Variants in NOL10 observed in about 807,000 individuals in gnomAD.
The protein encoded by NOL10 is H_NH0074G24.1.
In NOL10, 58 loss-of-function variants were observed where a neutral mutation model predicts 103.5. The ratio of observed to expected loss-of-function variants is 0.56; its 90% CI spans 0.45 to 0.70. The LOEUF (loss-of-function observed/expected upper bound fraction) is 0.70, where lower values mean the gene tolerates loss of function less well. NOL10 is among the 30% of genes least tolerant of loss of function. The pLI is 0.00. For synonymous variants in NOL10, 287 were observed against 282.5 expected (o/e 1.02, Z -0.16); for missense variants, 763 against 807.3 (o/e 0.95, Z 0.67).
intron 11 of NOL10, among the ~76,000 whole-genome samples, chr2:10,655,875 C>A (rs906692677): frequency 6.6e-6 from 1 of 152,154 alleles, no homozygotes; most frequent in South Asian, 2.1e-4. Flanking sequence ...ATGAAGAACA[C>A]GGCCAAGTCC....
rs369380523 is a variant in NOL10, at chr2:10,603,081, G to T, written c.1230C>A (p.His410Gln). Residue 410 changes from histidine (H) to glutamine (Q), a missense_variant, in exon 15 of 21, where the codon CAC becomes CAA. Physicochemically the swap from His to Gln is conservative, Grantham distance 24 (BLOSUM62 0). Transcript: ENST00000381685. ...HGFFMDIRLY[H>Q]KVKLMVNPFA... is the part of the protein sequence containing the mutation. ...ATAACTGTAGTTTTCTGTTTACCTTGTGATAGAGTCTTATATCCATGAAAA... is the reference window on the plus strand; with the variant it reads ...ATAACTGTAGTTTTCTGTTTACCTTTTGATAGAGTCTTATATCCATGAAAA... The T allele has an allele frequency of 1.2e-5, 20 of 1,604,760 alleles. No individual in the cohort carries two copies. The highest frequency in any genetic ancestry group is 3.4e-5 in the Admixed American group (2 of 59,032).
chr2:10,634,781 A>G (rs1678089715), intron 13 of NOL10, among the ~76,000 whole-genome samples: 1 of 152,202 alleles, frequency 6.6e-6, no homozygotes, highest in Non-Finnish European at 1.5e-5. Context: ...CTGAAAAGAG[A>G]TAACTAGATG....
intron 19 of NOL10, among the ~76,000 whole-genome samples, chr2:10,587,949 T>C (rs1675202770): frequency 1.3e-5 from 2 of 152,184 alleles, no homozygotes; most frequent in Non-Finnish European, 2.9e-5. Flanking sequence ...TTGTCTATTC[T>C]GCCCACTCCT....
At chr2:10,602,618 C>T (rs1008387575) in intron 16 of NOL10, among the ~76,000 whole-genome samples, 158 bp downstream of exon 16, 3 of 152,174 alleles carry the variant, frequency 2.0e-5, no homozygotes, top group African/African-American at 7.2e-5. Flanking sequence ...ACAAACATGA[C>T]ACACTGATGA....
chr2:10,620,844 G>A (rs753598800), intron 13 of NOL10, among the ~76,000 whole-genome samples: 12 of 152,102 alleles, frequency 7.9e-5, no homozygotes, highest in South Asian at 2.1e-4. Context: ...TACCCAGGCC[G>A]GAGTGCAGTG....
At chr2:10,602,629 C>T (rs1366110463) in intron 16 of NOL10, 147 bp downstream of exon 16, 1 of 610,164 alleles carries the variant, frequency 1.6e-6, no homozygotes. Context: ...ACACTGATGA[C>T]AAACAAACTA....
At chr2:10,607,667 C>G (rs1250149364) in intron 13 of NOL10, among the ~76,000 whole-genome samples, 1 of 151,586 alleles carries the variant, frequency 6.6e-6, no homozygotes. Context: ...TAGAATTCTA[C>G]AAAAGCATTA....
At chr2:10,621,280 A>C (rs1677130448) in intron 13 of NOL10, among the ~76,000 whole-genome samples, 1 of 152,192 alleles carries the variant, frequency 6.6e-6, no homozygotes, top group Non-Finnish European at 1.5e-5. Flanking sequence ...GGCAAAAAAA[A>C]CCAACTGCTA....
intron 17 of NOL10, among the ~76,000 whole-genome samples, chr2:10,593,380 G>A (rs1032770697): frequency 2.0e-5 from 3 of 151,928 alleles, no homozygotes; most frequent in Admixed American, 6.6e-5. Flanking sequence ...CTGGTGATTC[G>A]CCTGCCTCGG....
At chr2:10,593,718 T>C (rs2148170682) in intron 17 of NOL10, among the ~76,000 whole-genome samples, 1 of 152,254 alleles carries the variant, frequency 6.6e-6, no homozygotes, top group South Asian at 2.1e-4. Flanking sequence ...AGAAGTTGCT[T>C]GGCTGAGGCT....
chr2:10,618,641 T>A (rs1265913248), intron 13 of NOL10, among the ~76,000 whole-genome samples: 2 of 152,164 alleles, frequency 1.3e-5, no homozygotes, highest in Admixed American at 1.3e-4. Flanking sequence ...GCGGCCCAGT[T>A]AAGGTTTGTC....
intron 13 of NOL10, among the ~76,000 whole-genome samples, chr2:10,639,518 A>AACC (rs1189026512): frequency 2.0e-5 from 3 of 152,134 alleles, no homozygotes; most frequent in Non-Finnish European, 4.4e-5. Context: ...CTCACACCCC[A>AACC]ACCACCACCA....
rs1051797525 is a variant in NOL10, at chr2:10,571,978, CGT to C, written c.*91_*92del. 1.1e-4 allele frequency: 157 copies of C among 1,404,220 alleles called. No homozygotes were observed. The African/African-American group carries it at 1.3e-3, about 11-fold the overall frequency. 87.0% of individuals were successfully genotyped at this position (1,404,220 alleles called of 1,614,324 possible). ...CAAGAACGTACATGAACTTTAAAAACGTGTGTTTCCTCGTCTGTGTTTAACAC... is the reference window on the plus strand; with the variant it reads ...CAAGAACGTACATGAACTTTAAAAACGTGTTTCCTCGTCTGTGTTTAACAC... On this transcript the variant is annotated 3_prime_UTR_variant, in exon 21 of 21. Transcript: ENST00000381685.
intron 8 of NOL10, among the ~76,000 whole-genome samples, chr2:10,664,374 G>C (rs898405212): frequency 1.3e-5 from 2 of 152,014 alleles, no homozygotes; most frequent in African/African-American, 4.8e-5. Context: ...ATTGCGGTGA[G>C]CCGAGTCCAG....
At position 10,575,933 on chromosome 2, in the gene NOL10, C is replaced by A. The variant is rs184684403; in HGVS notation, c.1947+1703G>T. Among the ~76,000 whole-genome samples the A allele has an allele frequency of 7.9e-5, 12 of 152,318 alleles. No individual in the cohort carries two copies. The East Asian group carries it at 2.1e-3, about 27-fold the overall frequency. ...TACGTAAGTGATAAATGTAAGAGGG[C>A]AAATTTGCTCTCAGCAGACAGAATT... On this transcript the variant is annotated intron_variant, in intron 20 of 20. Coordinates refer to ENST00000381685, the MANE Select transcript of NOL10 (RefSeq NM_024894.4).
chr2:10,605,489 G>C (rs561645165), intron 14 of NOL10, among the ~76,000 whole-genome samples: 2 of 152,256 alleles, frequency 1.3e-5, no homozygotes, highest in South Asian at 2.1e-4. Flanking sequence ...TACATAAAAT[G>C]CTTTCTAGTA....
At chr2:10,622,120 T>A (rs1225966228) in intron 13 of NOL10, 2 of 471,358 alleles carry the variant, frequency 4.2e-6, no homozygotes, top group African/African-American at 2.0e-5. Flanking sequence ...AGACTTTGGT[T>A]TAGAGAACTG....
intron 16 of NOL10, among the ~76,000 whole-genome samples, chr2:10,601,566 C>T (rs1035158012): frequency 2.6e-5 from 4 of 151,986 alleles, no homozygotes; most frequent in South Asian, 2.1e-4. Flanking sequence ...GTAATCCCAG[C>T]ACTTTGGGAA....
At chr2:10,670,926 T>C (rs1680890897) in intron 6 of NOL10, among the ~76,000 whole-genome samples, 1 of 152,216 alleles carries the variant, frequency 6.6e-6, no homozygotes, top group Admixed American at 6.5e-5. Context: ...TGTTCAGAAT[T>C]TAGTAGACTG....
Sources: allele counts gnomAD v4.1 joint callset (sites outside exome capture counted in the v4.1 genomes callset), GRCh38; gene constraint gnomAD v4.1.1; transcripts MANE v1.5; gene names NCBI Gene and HGNC (gene_info 2026-07-23, HGNC 2026-07-21).